The following LRMDA variants were observed in gnomAD, a reference collection of about 807,000 sequenced individuals.
LRMDA encodes the protein leucine rich melanocyte differentiation associated, also known as leucine-rich melanocyte differentiation-associated protein.
Under a neutral mutation model 29.8 loss-of-function variants are expected in LRMDA, and 18 were observed. That is an observed-to-expected ratio of 0.60 (90% CI 0.42 to 0.90). The LOEUF (loss-of-function observed/expected upper bound fraction) is 0.90, where lower values mean the gene tolerates loss of function less well. Ranked by LOEUF, LRMDA falls within the 40% of genes least tolerant of loss-of-function variation. The probability of loss-of-function intolerance (pLI) is 0.00; values close to 1 mark genes in which losing one functional copy is unlikely to be tolerated. For missense variants in LRMDA, 273 were observed against 273.9 expected (o/e 1.00, Z 0.02); for synonymous variants, 125 against 109.4 (o/e 1.14, Z -0.89).
chr10:75,820,098 A>G (rs925468553), intron 2 of LRMDA, among the ~76,000 whole-genome samples: 4 of 152,200 alleles, frequency 2.6e-5, no homozygotes, highest in Non-Finnish European at 4.4e-5. Flanking sequence ...CATTAGACAG[A>G]TCATCGAGGC....
chr10:76,162,395 G>A (rs192235763), intron 5 of LRMDA, among the ~76,000 whole-genome samples: 2 of 152,252 alleles, frequency 1.3e-5, no homozygotes, highest in East Asian at 3.9e-4. Context: ...TCCTGTATTA[G>A]TCAATTCTCG....
chr10:76,079,471 G>A (rs910016378), intron 5 of LRMDA, among the ~76,000 whole-genome samples: 12 of 152,156 alleles, frequency 7.9e-5, no homozygotes, highest in South Asian at 2.1e-4. Context: ...CTCTTCAGAT[G>A]TATGGAAGTC....
intron 2 of LRMDA, among the ~76,000 whole-genome samples, chr10:75,509,566 G>A (rs1174989020): frequency 6.6e-6 from 1 of 152,110 alleles, no homozygotes. Flanking sequence ...TTTCTTCCAG[G>A]CCTTATTTTA....
intron 2 of LRMDA, among the ~76,000 whole-genome samples, chr10:75,719,707 G>A (rs1207872984): frequency 6.6e-6 from 1 of 152,210 alleles, no homozygotes; most frequent in Non-Finnish European, 1.5e-5. Context: ...AGGTAATGAA[G>A]TGTTCCGCCT....
chr10:76,246,472 G>A (rs910770794), intron 5 of LRMDA, among the ~76,000 whole-genome samples: 1 of 152,152 alleles, frequency 6.6e-6, no homozygotes, highest in Non-Finnish European at 1.5e-5. Flanking sequence ...TCTCTAAAAT[G>A]GAGGGGTCAT....
At chr10:75,502,841 C>T (rs116863550) in intron 2 of LRMDA, among the ~76,000 whole-genome samples, 3 of 152,160 alleles carry the variant, frequency 2.0e-5, no homozygotes, top group African/African-American at 7.2e-5. Context: ...AGGCACACTT[C>T]TCCTCCTTCT....
At chr10:76,067,438 G>T (rs1241643762) in intron 5 of LRMDA, among the ~76,000 whole-genome samples, 1 of 152,142 alleles carries the variant, frequency 6.6e-6, no homozygotes, top group Non-Finnish European at 1.5e-5. Flanking sequence ...TATTAAGTTT[G>T]AAAGGAAAGA....
At chr10:75,439,667 G>T (rs949726735) in intron 2 of LRMDA, among the ~76,000 whole-genome samples, 1 of 152,144 alleles carries the variant, frequency 6.6e-6, no homozygotes, top group Non-Finnish European at 1.5e-5. Context: ...GAGAGTGGCC[G>T]CTGTCTGTGT....
At chr10:76,167,566 T>C (rs1008771981) in intron 5 of LRMDA, among the ~76,000 whole-genome samples, 2 of 152,208 alleles carry the variant, frequency 1.3e-5, no homozygotes, top group African/African-American at 4.8e-5. Context: ...TAGTTGTAGA[T>C]ATGTGGCCTT....
chr10:75,794,914 A>G (rs1843626551), intron 2 of LRMDA, among the ~76,000 whole-genome samples: 1 of 151,252 alleles, frequency 6.6e-6, no homozygotes, highest in Non-Finnish European at 1.5e-5. Flanking sequence ...TGATAAGCAG[A>G]AGGTTTTATT....
At chr10:75,958,634 A>T (rs1337843528) in intron 2 of LRMDA, among the ~76,000 whole-genome samples, 2 of 152,140 alleles carry the variant, frequency 1.3e-5, no homozygotes, top group African/African-American at 4.8e-5. Context: ...TGGATAATTG[A>T]TGTTTTATGG....
At chr10:75,896,388 AC>A (rs1299194460) in intron 2 of LRMDA, among the ~76,000 whole-genome samples, 36 of 152,126 alleles carry the variant, frequency 2.4e-4, no homozygotes, top group Non-Finnish European at 2.6e-4. Flanking sequence ...CACTTAGCAC[AC>A]TCAGTTGTTT....
intron 2 of LRMDA, among the ~76,000 whole-genome samples, chr10:75,838,337 T>C (rs944873913): frequency 2.0e-5 from 3 of 152,254 alleles, no homozygotes; most frequent in Admixed American, 6.5e-5. Context: ...TCTTATGAAA[T>C]ATAATTTCCA....
intron 2 of LRMDA, among the ~76,000 whole-genome samples, chr10:75,526,047 TTTTA>T (rs933619980): frequency 1.7e-4 from 26 of 151,380 alleles, no homozygotes; most frequent in Admixed American, 2.0e-4. Flanking sequence ...ATTATTATTA[TTTTA>T]TTTATTTATT....
Position 76,333,381 on chromosome 10 carries a change from T to C in LRMDA, c.601+8896T>C, listed in dbSNP as rs957910777. ...TGGTGGGATGGGATTGGAAGGAAAT[T>C]GTTTCAGTCTTAGAAGCCTTAGATT... is the stretch of plus-strand genomic sequence containing the variant. On this transcript the variant is annotated intron_variant, in intron 6 of 6. Coordinates refer to ENST00000611255, the MANE Select transcript of LRMDA (RefSeq NM_001305581.2). 2.0e-5 allele frequency among the ~76,000 whole-genome samples: 3 copies of C among 152,152 alleles called. No individual in the cohort carries two copies. In the East Asian group the frequency reaches 5.8e-4, roughly 29 times the overall value.
At chr10:75,651,417 G>A (rs1841598166) in intron 2 of LRMDA, among the ~76,000 whole-genome samples, 1 of 152,130 alleles carries the variant, frequency 6.6e-6, no homozygotes, top group African/African-American at 2.4e-5. Context: ...TCCCACTTAG[G>A]GATTTCTGTG....
chr10:76,075,809 A>G (rs1848947255), intron 5 of LRMDA, among the ~76,000 whole-genome samples: 1 of 152,172 alleles, frequency 6.6e-6, no homozygotes, highest in Admixed American at 6.5e-5. Context: ...GGGGTCCAGT[A>G]TCTGGCCTAC....
chr10:76,449,337 A>C (rs1010740374), intron 6 of LRMDA, among the ~76,000 whole-genome samples: 3 of 151,866 alleles, frequency 2.0e-5, no homozygotes, highest in African/African-American at 7.2e-5. Flanking sequence ...TATGTGTCAT[A>C]AGTTATATGT....
intron 2 of LRMDA, among the ~76,000 whole-genome samples, chr10:76,007,264 C>T (rs1057034357): frequency 3.9e-5 from 6 of 152,006 alleles, no homozygotes; most frequent in Non-Finnish European, 7.4e-5. Flanking sequence ...TGGCCCCTCT[C>T]TGCCCACCCT....
Sources: allele counts gnomAD v4.1 joint callset (sites outside exome capture counted in the v4.1 genomes callset), GRCh38; gene constraint gnomAD v4.1.1; transcripts MANE v1.5; gene names NCBI Gene and HGNC (gene_info 2026-07-23, HGNC 2026-07-21).